The following KLHL5 variants were observed in gnomAD, a reference collection of about 807,000 sequenced individuals.
The protein encoded by KLHL5 is kelch-like protein 5.
KLHL5 carries 48 observed loss-of-function variants against 77.7 expected under a neutral mutation model. That is an observed-to-expected ratio of 0.62 (90% CI 0.49 to 0.79). The LOEUF (loss-of-function observed/expected upper bound fraction) is 0.79, where lower values mean the gene tolerates loss of function less well. Among genes scored for constraint, KLHL5 ranks in the 30% least tolerant of loss-of-function variants. The probability of loss-of-function intolerance (pLI) is 0.00; values close to 1 mark genes in which losing one functional copy is unlikely to be tolerated. For missense variants in KLHL5, 723 were observed against 859.7 expected (o/e 0.84, Z 1.99); for synonymous variants, 260 against 297.0 (o/e 0.88, Z 1.28).
At chr4:39,063,541 G>T (rs1238046766) in intron 1 of KLHL5, 2 of 431,620 alleles carry the variant, frequency 4.6e-6, no homozygotes, top group Non-Finnish European at 9.5e-6. Flanking sequence ...TTTTCTTATG[G>T]TTATTTCTCT....
Position 39,065,963 on chromosome 4 carries a change from G to A in KLHL5, c.383+2928G>A, listed in dbSNP as rs73808939. Among the ~76,000 whole-genome samples, 563 of 152,270 alleles carry A rather than the reference G, an allele frequency of 3.7e-3. 3 individuals are homozygous for A. The highest frequency in any genetic ancestry group is 0.013 in the African/African-American group (539 of 41,562). On this transcript the variant is annotated intron_variant, in intron 1 of 10. Coordinates refer to ENST00000504108, the MANE Select transcript of KLHL5 (RefSeq NM_015990.5). The stretch of plus-strand genomic sequence containing the variant: ...CTGGACAGTTTAAAGCAGGAATTAA[G>A]GGACAGCGTATGTTGGTCATGTTTT...
At chr4:39,048,033 T>C (rs2110104799) in intron 1 of KLHL5, among the ~76,000 whole-genome samples, 1 of 152,292 alleles carries the variant, frequency 6.6e-6, no homozygotes, top group Middle Eastern at 3.4e-3. Flanking sequence ...ATGTTGAGAA[T>C]CTACTGGGTA....
In KLHL5 at chr4:39,062,415, T is replaced by C. The variant is rs1181759424; in HGVS notation, c.-238T>C. On this transcript the variant is annotated 5_prime_UTR_variant, in exon 1 of 11. Coordinates refer to ENST00000504108, the MANE Select transcript of KLHL5 (RefSeq NM_015990.5). The stretch of plus-strand genomic sequence containing the variant: ...TCAGGATAGGTGGATGAGAGTTTGC[T>C]CTGATTGAACGGAATGTTCCACCGT... 3.4e-6 allele frequency: 5 copies of C among 1,486,324 alleles called. No individual in the cohort carries two copies. Among genetic ancestry groups the C allele is most frequent in the Non-Finnish European group, 4.4e-6 (5 of 1,126,186 alleles). 92.1% of individuals were successfully genotyped at this position (1,486,324 alleles called of 1,614,324 possible). A position where few individuals can be genotyped will look rare whatever the true frequency, so the allele number is the denominator to read the frequency against.
chr4:39,080,988 G>C (rs1226659732), intron 2 of KLHL5, 115 bp from the exon 3 acceptor site: 2 of 953,430 alleles, frequency 2.1e-6, no homozygotes, highest in Non-Finnish European at 1.5e-6. Flanking sequence ...AGCTTAAAAT[G>C]CATTTCCTAG....
At position 39,125,825 on chromosome 4, in the gene KLHL5, A is replaced by G. The variant is rs1723506204; in HGVS notation, c.*4759A>G. On this transcript the variant is annotated 3_prime_UTR_variant, in exon 11 of 11. Transcript: ENST00000504108. ...ATGTCACTAATGGTAAATTTCACATACACTTTACCATAATTTTTAAAAAGC... is the reference window on the plus strand; with the variant it reads ...ATGTCACTAATGGTAAATTTCACATGCACTTTACCATAATTTTTAAAAAGC... Among the ~76,000 whole-genome samples the G allele has an allele frequency of 6.6e-6, 1 of 152,194 alleles. No homozygotes were observed. The highest frequency in any genetic ancestry group is 2.1e-4 in the South Asian group (1 of 4,830).
At chr4:39,132,774 C>T in the KLHL5 span, among the ~76,000 whole-genome samples, 1 of 152,176 alleles carries the variant, frequency 6.6e-6, no homozygotes, top group Non-Finnish European at 1.5e-5. Flanking sequence ...AATTTTAGTA[C>T]ATTTCTCATT....
chr4:39,080,951 G>T, intron 2 of KLHL5, 152 bp from the exon 3 acceptor site: 1 of 614,302 alleles, frequency 1.6e-6, no homozygotes. Flanking sequence ...TTCAAAGGAA[G>T]GAACTAGAGC....
At chr4:39,103,189 C>A in intron 6 of KLHL5, 98 bp from the exon 7 acceptor site, 1 of 897,624 alleles carries the variant, frequency 1.1e-6, no homozygotes, top group Non-Finnish European at 1.7e-6. Flanking sequence ...TTATTATTCT[C>A]AATGCTAATA....
chr4:39,063,544 A>G (rs547062830), intron 1 of KLHL5: 3 of 434,382 alleles, frequency 6.9e-6, no homozygotes, highest in South Asian at 5.0e-5. Context: ...TCTTATGGTT[A>G]TTTCTCTTTG....
At chr4:39,069,457 TATATATATATATATATACACACAC>T (rs1161446692) in intron 1 of KLHL5, among the ~76,000 whole-genome samples, 12 of 39,554 alleles carry the variant, frequency 3.0e-4, no homozygotes, top group African/African-American at 8.8e-4. Context: ...TATATATATA[TATATATATATATATATACACACAC>T]ACACACACAC....
At chr4:39,046,715 T>A (rs989857344) in intron 1 of KLHL5, among the ~76,000 whole-genome samples, 1 of 152,126 alleles carries the variant, frequency 6.6e-6, no homozygotes, top group Non-Finnish European at 1.5e-5. Flanking sequence ...TGGGCCCTAA[T>A]GAAAAAAGGA....
intron 6 of KLHL5, among the ~76,000 whole-genome samples, chr4:39,102,300 G>A (rs1721642465): frequency 6.6e-6 from 1 of 150,792 alleles, no homozygotes; most frequent in African/African-American, 2.4e-5. Context: ...TTTTTTTAGA[G>A]GGTTTTGTTT....
intron 8 of KLHL5, among the ~76,000 whole-genome samples, chr4:39,109,281 C>A (rs1020877206): frequency 6.6e-6 from 1 of 151,906 alleles, no homozygotes; most frequent in African/African-American, 2.4e-5. Context: ...GTTTTTGTTA[C>A]TTTAACTTAT....
rs1163968601 is a variant in KLHL5 at position 39,072,900 on chromosome 4, A to G, written c.384-3065A>G. ...ATTGCACAGGAAGGTGACTATGGTTAATAGCTAAAAGAGAGGGCTTTAAAT... is the reference window on the plus strand; with the variant it reads ...ATTGCACAGGAAGGTGACTATGGTTGATAGCTAAAAGAGAGGGCTTTAAAT... On this transcript the variant is annotated intron_variant, in intron 1 of 10. Transcript: ENST00000504108. Among the ~76,000 whole-genome samples the G allele has an allele frequency of 2.0e-5, 3 of 152,284 alleles. No homozygotes were observed. In the East Asian group the frequency reaches 5.8e-4, roughly 29 times the overall value.
intron 1 of KLHL5, among the ~76,000 whole-genome samples, chr4:39,050,835 A>G (rs1279436582): frequency 6.6e-6 from 1 of 152,246 alleles, no homozygotes; most frequent in East Asian, 1.9e-4. Context: ...TAATCAGGAT[A>G]AGAAGGTATA....
intron 8 of KLHL5, 122 bp from the exon 9 acceptor site, chr4:39,112,898 G>T: frequency 1.3e-6 from 1 of 764,852 alleles, no homozygotes; most frequent in Non-Finnish European, 2.1e-6. Flanking sequence ...CACACACATT[G>T]ACAGTGTGTT....
intron 8 of KLHL5, among the ~76,000 whole-genome samples, chr4:39,108,736 G>A (rs1172969411): frequency 6.6e-6 from 1 of 152,022 alleles, no homozygotes; most frequent in Non-Finnish European, 1.5e-5. Context: ...AGCCATTAAA[G>A]AATCTAGTAA....
chr4:39,096,432 C>T (rs1270002772), intron 5 of KLHL5, among the ~76,000 whole-genome samples: 1 of 152,064 alleles, frequency 6.6e-6, no homozygotes, highest in Non-Finnish European at 1.5e-5. Context: ...ATTTAAAAAG[C>T]ACCAGTATTC....
At chr4:39,078,197 C>A in intron 2 of KLHL5, among the ~76,000 whole-genome samples, 1 of 151,954 alleles carries the variant, frequency 6.6e-6, no homozygotes, top group Admixed American at 6.6e-5. Flanking sequence ...ACCAGCCTGA[C>A]CAAGATGGTG....
Sources: allele counts gnomAD v4.1 joint callset (sites outside exome capture counted in the v4.1 genomes callset), GRCh38; gene constraint gnomAD v4.1.1; transcripts MANE v1.5; gene names NCBI Gene and HGNC (gene_info 2026-07-23, HGNC 2026-07-21).